The following ITSN1 variants were observed in gnomAD, a reference collection of about 807,000 sequenced individuals.
ITSN1 encodes intersectin-1.
A neutral mutation model predicts 239.8 loss-of-function variants in ITSN1; 58 were observed. The observed-to-expected ratio is 0.24, with a 90% confidence interval of 0.20 to 0.30. The LOEUF is 0.30. ITSN1 is among the 10% of genes least tolerant of loss of function. ITSN1 has a pLI of 1.00. For synonymous variants in ITSN1, 780 were observed against 770.8 expected (o/e 1.01, Z -0.20); for missense variants, 1,558 against 2,103.3 (o/e 0.74, Z 5.07).
chr21:33,721,354 G>A (rs996877800), intron 3 of ITSN1, 84 bp downstream of exon 3: 4 of 870,820 alleles, frequency 4.6e-6, no homozygotes, highest in Non-Finnish European at 7.7e-6. Context: ...GACGAGATGG[G>A]CAAATATGAC....
At position 33,897,880 on chromosome 21, in the gene ITSN1, G is replaced by T. The variant is rs965982574; in HGVS notation, c.*9580G>T. ...TTCTTATATTAAAAAAAAATTCCAAGTTGTATATGTTAGAAATCAAATGAG... is the reference window on the plus strand; with the variant it reads ...TTCTTATATTAAAAAAAAATTCCAATTTGTATATGTTAGAAATCAAATGAG... On this transcript the variant is annotated 3_prime_UTR_variant, in exon 40 of 40. Coordinates refer to ENST00000381318, the MANE Select transcript of ITSN1 (RefSeq NM_003024.3). The T allele has an allele frequency of 2.6e-5, 4 of 152,002 alleles. No individual in the cohort carries two copies. Among genetic ancestry groups the T allele is most frequent in the Non-Finnish European group, 5.9e-5 (4 of 68,000 alleles). 9.4% of individuals were successfully genotyped at this position (152,002 alleles called of 1,614,324 possible).
At chr21:33,687,402 A>C (rs2091301458) in intron 1 of ITSN1, among the ~76,000 whole-genome samples, 1 of 33,572 alleles carries the variant, frequency 3.0e-5, no homozygotes, top group South Asian at 7.7e-4. Context: ...CCATCTTAAA[A>C]AAAAAAAAAA....
chr21:33,700,171 C>T (rs1168254622), intron 1 of ITSN1, among the ~76,000 whole-genome samples: 6 of 151,704 alleles, frequency 4.0e-5, no homozygotes, highest in Non-Finnish European at 8.8e-5. Flanking sequence ...GCAACCTAAA[C>T]CTCCTTGGGT....
At chr21:33,861,776 A>C (rs947230881) in intron 31 of ITSN1, among the ~76,000 whole-genome samples, 3 of 151,702 alleles carry the variant, frequency 2.0e-5, no homozygotes, top group Non-Finnish European at 4.4e-5. Flanking sequence ...GAAACCCCAC[A>C]TCTACTAAAA....
intron 29 of ITSN1, among the ~76,000 whole-genome samples, chr21:33,849,360 G>T (rs947821210): frequency 2.6e-5 from 4 of 152,028 alleles, no homozygotes; most frequent in Admixed American, 6.6e-5. Flanking sequence ...GAGGCCAGGA[G>T]TTGAAGACCA....
At position 33,701,256 on chromosome 21, in the gene ITSN1, G is replaced by A. The variant is rs969196557; in HGVS notation, c.-32-17541G>A. On this transcript the variant is annotated intron_variant, in intron 1 of 39. Transcript: ENST00000381318. ...TGGAACTATAGGCACATGCCACCACGCCCAGCTAGTTTTTGTGTATTTTTT... is the reference window on the plus strand; with the variant it reads ...TGGAACTATAGGCACATGCCACCACACCCAGCTAGTTTTTGTGTATTTTTT... Among the ~76,000 whole-genome samples, 3 of 152,104 alleles carry A rather than the reference G, an allele frequency of 2.0e-5. No homozygotes were observed. In the East Asian group the frequency reaches 5.8e-4, roughly 29 times the overall value.
At chr21:33,735,464 G>A (rs569119386) in intron 5 of ITSN1, 6 of 413,608 alleles carry the variant, frequency 1.5e-5, no homozygotes, top group Middle Eastern at 1.4e-3. Context: ...CTTACAGTCC[G>A]CTGCTGCAGC....
chr21:33,688,717 T>A (rs958900555), intron 1 of ITSN1, among the ~76,000 whole-genome samples: 4 of 151,978 alleles, frequency 2.6e-5, no homozygotes, highest in Non-Finnish European at 5.9e-5. Context: ...AAGTTTAGAA[T>A]GGCAAGAAAG....
intron 1 of ITSN1, among the ~76,000 whole-genome samples, chr21:33,680,744 T>C (rs377675665): frequency 6.6e-6 from 1 of 152,186 alleles, no homozygotes. Context: ...AAGCAATCAG[T>C]AGGTTAATGA....
intron 31 of ITSN1, among the ~76,000 whole-genome samples, chr21:33,860,557 G>T (rs1366323061): frequency 1.3e-5 from 2 of 152,146 alleles, no homozygotes; most frequent in Non-Finnish European, 2.9e-5. Flanking sequence ...CTTGAGCTGT[G>T]TGGGGGGCCA....
chr21:33,741,254 TCTTA>T lies in ITSN1; in HGVS notation c.346+6055_346+6058del, dbSNP rs150714119. Among the ~76,000 whole-genome samples the T allele has an allele frequency of 8.5e-5, 13 of 152,342 alleles. No individual in the cohort carries two copies. The East Asian group carries it at 2.5e-3, about 29-fold the overall frequency. The stretch of plus-strand genomic sequence containing the variant: ...ATTTGTTGCTTGAGTAGATTGACAT[TCTTA>T]CTTAAGCAAAAACCAGGATTTGGAG... On this transcript the variant is annotated intron_variant, in intron 5 of 39. Coordinates refer to ENST00000381318, the MANE Select transcript of ITSN1 (RefSeq NM_003024.3).
chr21:33,851,221 C>G (rs934722241), intron 29 of ITSN1, among the ~76,000 whole-genome samples: 1 of 152,082 alleles, frequency 6.6e-6, no homozygotes, highest in African/African-American at 2.4e-5. Flanking sequence ...TGGGTGAAGG[C>G]TTGCTCTTGC....
intron 1 of ITSN1, among the ~76,000 whole-genome samples, chr21:33,661,544 G>T (rs2089557410): frequency 6.6e-6 from 1 of 152,006 alleles, no homozygotes; most frequent in Non-Finnish European, 1.5e-5. Context: ...CATTGTTTTT[G>T]TATCAGTGTA....
intron 14 of ITSN1, among the ~76,000 whole-genome samples, chr21:33,781,249 A>G (rs2070155722): frequency 6.6e-6 from 1 of 152,204 alleles, no homozygotes; most frequent in Admixed American, 6.5e-5. Flanking sequence ...AATATCAGGG[A>G]AGCTATAACT....
At chr21:33,708,665 C>T (rs779484713) in intron 1 of ITSN1, among the ~76,000 whole-genome samples, 3 of 152,164 alleles carry the variant, frequency 2.0e-5, no homozygotes, top group Non-Finnish European at 2.9e-5. Flanking sequence ...GGATTATAGG[C>T]GTGAGCCACC....
At chr21:33,810,289 T>G (rs1256155892) in intron 20 of ITSN1, among the ~76,000 whole-genome samples, 2 of 152,212 alleles carry the variant, frequency 1.3e-5, no homozygotes, top group Non-Finnish European at 2.9e-5. Flanking sequence ...TTTTAAACAG[T>G]ATAATCCTGG....
chr21:33,755,056 G>T (rs1214290407), intron 7 of ITSN1, among the ~76,000 whole-genome samples: 1 of 152,010 alleles, frequency 6.6e-6, no homozygotes, highest in Non-Finnish European at 1.5e-5. Context: ...CAGCCTCTCA[G>T]TCTATTGTGT....
At chr21:33,673,517 C>G (rs1219717769) in intron 1 of ITSN1, among the ~76,000 whole-genome samples, 2 of 152,108 alleles carry the variant, frequency 1.3e-5, no homozygotes, top group African/African-American at 4.8e-5. Context: ...AGAAGAGGTG[C>G]CGGTTTGAAG....
chr21:33,883,592 C>G lies in ITSN1; in HGVS notation c.4597C>G (p.Pro1533Ala). 6.2e-7 allele frequency: 1 copy of G among 1,613,896 alleles called. No individual in the cohort carries two copies. Reference protein sequence around the residue: ...NEVLVKLPTDPSGDEPIFHIS... With the variant: ...NEVLVKLPTDASGDEPIFHIS... The stretch of plus-strand genomic sequence containing the variant: ...GGTTCTAGTAAAATTACCCACCGAC[C>G]CTTCTGGAGACGAGCCCATCTTCCA... The change falls in exon 36 of 40, where the codon CCT becomes GCT. Residue 1533 changes from proline (P) to alanine (A), a missense_variant. This residue lies in a region of ITSN1 where 576 missense variants were observed against 893.3 expected (regional missense o/e 0.64). Transcript: ENST00000381318.
Sources: allele counts gnomAD v4.1 joint callset (sites outside exome capture counted in the v4.1 genomes callset), GRCh38; gene constraint gnomAD v4.1.1; regional missense constraint gnomAD v4.1.1; transcripts MANE v1.5; gene names NCBI Gene and HGNC (gene_info 2026-07-23, HGNC 2026-07-21).